LOC128462377: variants seen among roughly 807,000 people sequenced by gnomAD.
At chr16:89,362,219 A>C in the LOC128462377 span, among the ~76,000 whole-genome samples, 1 of 152,236 alleles carries the variant, frequency 6.6e-6, no homozygotes, top group Non-Finnish European at 1.5e-5. Flanking sequence ...CTTCTGAAAC[A>C]ACCACTGGAC....
chr16:89,362,634 A>G, the LOC128462377 span, among the ~76,000 whole-genome samples: 934 of 152,352 alleles, frequency 6.1e-3, 14 homozygotes, highest in African/African-American at 0.021. Context: ...ACATTTATTC[A>G]AAGACCTGTG....
the LOC128462377 span, chr16:89,317,190 GATCAGGGCTGGGGCCCGGGCCA>G: frequency 3.7e-6 from 3 of 821,464 alleles, no homozygotes; most frequent in Non-Finnish European, 6.0e-6. Flanking sequence ...CAGCTGCTCT[GATCAGGGCTGGGGCCCGGGCCA>G]GGCCCAGGAA....
chr16:89,395,981 G>A, the LOC128462377 span: 5 of 152,176 alleles, frequency 3.3e-5, no homozygotes. Flanking sequence ...CTCTGGACAG[G>A]AAGCACCAAT....
chr16:89,367,781 C>T, the LOC128462377 span, among the ~76,000 whole-genome samples: 2 of 152,200 alleles, frequency 1.3e-5, no homozygotes. Context: ...CTGCCTCTTG[C>T]AAACTATGAC....
At chr16:89,410,376 G>A in the LOC128462377 span, among the ~76,000 whole-genome samples, 3 of 152,220 alleles carry the variant, frequency 2.0e-5, no homozygotes, top group Admixed American at 1.3e-4. Context: ...AACAAAGGCT[G>A]ACTGTACCAA....
At chr16:89,365,883 C>A in the LOC128462377 span, among the ~76,000 whole-genome samples, 1 of 151,784 alleles carries the variant, frequency 6.6e-6, no homozygotes, top group Non-Finnish European at 1.5e-5. Flanking sequence ...TCAAGCAGAC[C>A]CCAGTGTCTG....
the LOC128462377 span, among the ~76,000 whole-genome samples, chr16:89,406,585 A>G: frequency 6.6e-6 from 1 of 152,196 alleles, no homozygotes; most frequent in Admixed American, 6.5e-5. Flanking sequence ...CCCAGTGCTT[A>G]TGGTCTGGGT....
the LOC128462377 span, among the ~76,000 whole-genome samples, chr16:89,388,487 A>G: frequency 6.6e-6 from 1 of 151,770 alleles, no homozygotes; most frequent in Admixed American, 6.6e-5. Context: ...AATAAGCAAG[A>G]TTTGCGTTTC....
At chr16:89,410,458 C>G in the LOC128462377 span, among the ~76,000 whole-genome samples, 1 of 152,276 alleles carries the variant, frequency 6.6e-6, no homozygotes, top group Non-Finnish European at 1.5e-5. Flanking sequence ...AGCCCTCAGA[C>G]CAGACTAAGA....
the LOC128462377 span, among the ~76,000 whole-genome samples, chr16:89,337,429 C>CTTTTTTTTTTTTTTTTTTTTTTTT: frequency 1.9e-5 from 1 of 53,118 alleles, no homozygotes; most frequent in African/African-American, 8.2e-5. Flanking sequence ...CTAAGCAATT[C>CTTTTTTTTTTTTTTTTTTTTTTTT]TTTTTTTTTT....
At chr16:89,324,683 G>A in the LOC128462377 span, 5 of 358,016 alleles carry the variant, frequency 1.4e-5, no homozygotes, top group African/African-American at 6.4e-5. Context: ...TCCTGCCCTC[G>A]AACATCAGAC....
chr16:89,363,614 C>T, the LOC128462377 span, among the ~76,000 whole-genome samples: 1 of 152,126 alleles, frequency 6.6e-6, no homozygotes, highest in Non-Finnish European at 1.5e-5. Flanking sequence ...CTGTCAAATT[C>T]AAACGCACTC....
the LOC128462377 span, among the ~76,000 whole-genome samples, chr16:89,334,169 A>AC: frequency 0.44 from 47,077 of 107,204 alleles, 12,590 homozygotes; most frequent in Middle Eastern, 0.62. Context: ...AAAAAAAAAA[A>AC]AAAACAGAGA....
At chr16:89,372,070 G>A in the LOC128462377 span, among the ~76,000 whole-genome samples, 2 of 152,180 alleles carry the variant, frequency 1.3e-5, no homozygotes, top group African/African-American at 4.8e-5. Context: ...GTCCCCAGGT[G>A]GACTGAGGAA....
At chr16:89,397,566 C>A in the LOC128462377 span, among the ~76,000 whole-genome samples, 16 of 152,330 alleles carry the variant, frequency 1.1e-4, no homozygotes, top group African/African-American at 3.8e-4. Context: ...CAAGTGGATC[C>A]CTGGCTGCAG....
At chr16:89,408,866 A>G in the LOC128462377 span, among the ~76,000 whole-genome samples, 1 of 152,258 alleles carries the variant, frequency 6.6e-6, no homozygotes, top group African/African-American at 2.4e-5. Context: ...AAAAGAGAAC[A>G]TAAGTGAAGA....
chr16:89,381,934 AC>A, the LOC128462377 span, among the ~76,000 whole-genome samples: 2 of 152,182 alleles, frequency 1.3e-5, no homozygotes, highest in African/African-American at 2.4e-5. Context: ...TGACCTCTCC[AC>A]GGGGCTCAGA....
the LOC128462377 span, chr16:89,323,165 G>A: frequency 6.7e-6 from 3 of 449,078 alleles, no homozygotes; most frequent in East Asian, 2.5e-4. Context: ...GGCTGCGTCA[G>A]GAGTGGTGCC....
At chr16:89,370,475 C>G in the LOC128462377 span, among the ~76,000 whole-genome samples, 1 of 152,136 alleles carries the variant, frequency 6.6e-6, no homozygotes, top group African/African-American at 2.4e-5. Flanking sequence ...AAGATGACAC[C>G]CAGGGCCTTG....
Sources: gnomAD v4.1 joint callset for allele counts (sites outside exome capture counted in the v4.1 genomes callset) on GRCh38, gnomAD v4.1.1 for gene constraint, MANE v1.5 for transcripts.